Variants in TNS1 observed in about 807,000 individuals in gnomAD.
The protein encoded by TNS1 is tensin 1, also known as tensin-1.
In TNS1, 62 loss-of-function variants were observed where a neutral mutation model predicts 168.6. The ratio of observed to expected loss-of-function variants is 0.37; its 90% CI spans 0.30 to 0.45. The LOEUF (loss-of-function observed/expected upper bound fraction) is 0.45, where lower values mean the gene tolerates loss of function less well. TNS1 is among the 20% of genes least tolerant of loss of function. The pLI is 1.00. For missense variants in TNS1, 2,240 were observed against 2,339.4 expected, an observed-to-expected ratio of 0.96 and a Z score of 0.88; for synonymous variants, 934 against 933.2, an observed-to-expected ratio of 1.00 and a Z score of -0.02.
At position 217,818,691 on chromosome 2, in the gene TNS1, A is replaced by T. The variant is rs753614446; in HGVS notation, c.3641T>A (p.Leu1214Gln). 5.0e-6 allele frequency: 8 copies of T among 1,614,184 alleles called. No homozygotes were observed. Among genetic ancestry groups the T allele is most frequent in the Non-Finnish European group, 6.8e-6 (8 of 1,180,022 alleles). The change falls in exon 24 of 33, where the codon CTG becomes CAG. Residue 1214 changes from leucine (L) to glutamine (Q), a missense_variant. By Grantham distance (113) the Leu-to-Gln change is moderately radical. Around this residue, in one of 2 missense-constraint regions of TNS1, gnomAD observed 2,131 missense variants for 2,171.2 expected, o/e 0.98. Transcript: ENST00000682258. ...GCCTGAGCGGAAGCCAGACTCCAAC[A>T]GAGGCTGGGTGGGCGTCCGGGGACC... ...DQGPRTPTQP[L>Q]LESGFRSGSL... is the part of the protein sequence containing the mutation.
chr2:217,841,245 GCTGCCA>G (rs1559211126), intron 19 of TNS1: 1 of 985,164 alleles, frequency 1.0e-6, no homozygotes, highest in Non-Finnish European at 1.2e-6. Flanking sequence ...GGGGCGGGAA[GCTGCCA>G]CTGTGTCCGA....
In TNS1 at chr2:217,809,843, A is replaced by G; in HGVS notation, c.5253T>C (p.Thr1751=). The change falls in exon 30 of 33, where the codon ACT becomes ACC. Residue 1751 remains threonine, a synonymous_variant. Transcript: ENST00000682258. ...VHFKVSAQGI[T]LTDNQRKLFF... is the part of the protein sequence containing the mutation. Reference sequence around the variant, plus strand: ...CTTACTTTCTCTGGTTGTCAGTCAGAGTGATTCCCTGGGCAGAGACTTTGA... The same window carrying G: ...CTTACTTTCTCTGGTTGTCAGTCAGGGTGATTCCCTGGGCAGAGACTTTGA... 6.2e-7 allele frequency: 1 copy of G among 1,613,998 alleles called. No homozygotes were observed. The highest frequency in any genetic ancestry group is 8.5e-7 in the Non-Finnish European group (1 of 1,179,928).
chr2:217,922,193 G>T (rs1209065817), intron 3 of TNS1, among the ~76,000 whole-genome samples: 1 of 152,206 alleles, frequency 6.6e-6, no homozygotes, highest in African/African-American at 2.4e-5. Context: ...CCCAGAGCTG[G>T]CTGTGGCCTG....
chr2:217,853,976 C>T (rs544638112), intron 18 of TNS1, among the ~76,000 whole-genome samples: 4 of 152,324 alleles, frequency 2.6e-5, no homozygotes, highest in Admixed American at 6.5e-5. Flanking sequence ...TAAAGTCACA[C>T]GGTTTCAGGG....
intron 32 of TNS1, among the ~76,000 whole-genome samples, chr2:217,805,475 C>CACACACAACACCACACACCA (rs1938412062): frequency 2.2e-5 from 1 of 46,094 alleles, no homozygotes; most frequent in African/African-American, 9.2e-5. Flanking sequence ...ACCACACACA[C>CACACACAACACCACACACCA]CACACACACC....
At chr2:217,922,836 C>T (rs1003012421) in intron 3 of TNS1, among the ~76,000 whole-genome samples, 1 of 152,266 alleles carries the variant, frequency 6.6e-6, no homozygotes, top group African/African-American at 2.4e-5. Flanking sequence ...CCTGCCACCC[C>T]CGACGGCGTC....
At chr2:217,852,209 T>C (rs928084231) in intron 18 of TNS1, among the ~76,000 whole-genome samples, 1 of 152,228 alleles carries the variant, frequency 6.6e-6, no homozygotes, top group African/African-American at 2.4e-5. Context: ...CAGGAGCCTC[T>C]GATGCACTCA....
chr2:218,009,623 C>T (rs1209189449), intron 1 of TNS1, among the ~76,000 whole-genome samples: 1 of 152,132 alleles, frequency 6.6e-6, no homozygotes, highest in Non-Finnish European at 1.5e-5. Flanking sequence ...TCCTGCCGTC[C>T]CCCAGCCACC....
At chr2:217,862,902 C>T (rs1205558068) in intron 18 of TNS1, among the ~76,000 whole-genome samples, 1 of 152,210 alleles carries the variant, frequency 6.6e-6, no homozygotes, top group East Asian at 1.9e-4. Context: ...ACACACTTCC[C>T]AACTGTAGGT....
At chr2:217,963,394 G>C (rs140505270) in intron 3 of TNS1, among the ~76,000 whole-genome samples, 161 of 152,286 alleles carry the variant, frequency 1.1e-3, no homozygotes, top group Non-Finnish European at 1.9e-3. Context: ...ACAGGTCACT[G>C]GCTATCATGC....
Position 218,031,126 on chromosome 2 carries a change from CTGTG to C in TNS1, c.156+2690_156+2693del, listed in dbSNP as rs146576163. On this transcript the variant is annotated intron_variant, in intron 1 of 1. Coordinates refer to the TNS1 transcript ENST00000649572. ...TGTGTATGAGTGTGTGTGAGCATGT[CTGTG>C]TGTGTGTGTGTATGTGTTGTGTGAG... Among the ~76,000 whole-genome samples the C allele has an allele frequency of 4.5e-4, 38 of 85,108 alleles. 1 individual carries two copies. Among genetic ancestry groups the C allele is most frequent in the African/African-American group, 1.1e-3 (15 of 13,858 alleles). 55.8% of individuals were successfully genotyped at this position (85,108 alleles called of 152,430 possible).
chr2:217,957,840 CAAAAAAAAAAA>C (rs35149245), intron 3 of TNS1, among the ~76,000 whole-genome samples: 24 of 74,218 alleles, frequency 3.2e-4, no homozygotes, highest in South Asian at 4.3e-4. Context: ...AGTACTCCCG[CAAAAAAAAAAA>C]AAAAAAAAAA....
chr2:217,871,349 C>T (rs1020773545), intron 18 of TNS1, among the ~76,000 whole-genome samples: 12 of 152,212 alleles, frequency 7.9e-5, no homozygotes, highest in Non-Finnish European at 1.8e-4. Context: ...GGGCTATCCC[C>T]TCTGGAGGCC....
rs2125645464 is a variant in TNS1, at chr2:217,880,860, G to C, written c.1429+38C>G. The C allele has an allele frequency of 6.7e-7, 1 of 1,491,838 alleles. No individual in the cohort carries two copies. The highest frequency in any genetic ancestry group is 1.7e-4 in the Middle Eastern group (1 of 5,798). The allele number at this position is 1,491,838 out of a possible 1,614,324, so 92.4% of individuals were successfully genotyped here. A position where few individuals can be genotyped will look rare whatever the true frequency, so the allele number is the denominator to read the frequency against. On this transcript the variant is annotated intron_variant, in intron 18 of 32. Coordinates refer to ENST00000682258, the MANE Select transcript of TNS1 (RefSeq NM_001387777.1). The surrounding 1 kb of genome is among the most constrained non-coding windows in gnomAD (Gnocchi z 4.2). ...AGGTCATGTGAGCAGAGGCTGTGCA[G>C]TTTGGATAGGGGCTGGGAGCCACTA...
rs765374803 is a variant in TNS1 at position 217,817,816 on chromosome 2, G to A, written c.4516C>T (p.Pro1506Ser). ...TTCCCATTGATGGTGGCATAGTTGG[G>A]GAGGCTGCCTGCCCGGTCTCCCACT... ...MSVGDRAGSL[P>S]NYATINGKVS... The change falls in exon 24 of 33, where the codon CCC becomes TCC. Residue 1506 changes from proline to serine, a missense_variant. Physicochemically the swap from Pro to Ser is moderately conservative, Grantham distance 74 (BLOSUM62 -1). Coordinates refer to ENST00000682258, the MANE Select transcript of TNS1 (RefSeq NM_001387777.1). 2.2e-5 allele frequency: 36 copies of A among 1,614,194 alleles called. No homozygotes were observed. The East Asian group carries it at 7.8e-4, about 35-fold the overall frequency.
intron 3 of TNS1, among the ~76,000 whole-genome samples, chr2:217,970,307 CA>C (rs1303543969): frequency 6.6e-6 from 1 of 152,080 alleles, no homozygotes; most frequent in Non-Finnish European, 1.5e-5. Context: ...CCTAGAAAAC[CA>C]ATATAAGCTA....
At chr2:217,890,698 G>A (rs1012300065) in intron 12 of TNS1, 4 of 532,692 alleles carry the variant, frequency 7.5e-6, no homozygotes, top group African/African-American at 3.8e-5. Flanking sequence ...CCAGACTCAT[G>A]CTTCCCCATG....
Position 217,814,994 on chromosome 2 carries a change from G to C in TNS1, c.4647C>G (p.Asn1549Lys). 6.2e-7 allele frequency: 1 copy of C among 1,611,476 alleles called. No homozygotes were observed. Among genetic ancestry groups the C allele is most frequent in the Non-Finnish European group, 8.5e-7 (1 of 1,178,658 alleles). Residue 1549 changes from asparagine (N) to lysine (K), a missense_variant, in exon 25 of 33, where the codon AAC (asparagine) becomes AAG (lysine). Asn to Lys is a moderately conservative substitution (Grantham distance 94). Coordinates refer to ENST00000682258, the MANE Select transcript of TNS1 (RefSeq NM_001387777.1). ...TCACTTTAGCCCGCGTCTCCGGGCT[G>C]TTGTCTAAAGCAGGAGAAGGGAAGA... ...PDFSKYSMPD[N>K]SPETRAKVKF... is the part of the protein sequence containing the mutation.
chr2:217,881,766 C>T (rs981524495), intron 17 of TNS1: 1 of 152,236 alleles, frequency 6.6e-6, no homozygotes, highest in Non-Finnish European at 1.5e-5. Flanking sequence ...AAAAACCTGG[C>T]TCAAAGACAG....
Sources: gnomAD v4.1 joint callset for allele counts (sites outside exome capture counted in the v4.1 genomes callset) on GRCh38, gnomAD v4.1.1 for gene constraint, gnomAD v4.1.1 regional missense constraint, Gnocchi (gnomAD v3.1) non-coding constraint, MANE v1.5 for transcripts, NCBI Gene and HGNC (gene_info 2026-07-23, HGNC 2026-07-21) for gene names.